EPS8: variants seen among roughly 807,000 people sequenced by gnomAD.
EPS8 encodes the protein epidermal growth factor receptor kinase substrate 8.
In EPS8, 42 loss-of-function variants were observed where a neutral mutation model predicts 103.8. The observed-to-expected ratio is 0.40, with a 90% CI of 0.32 to 0.52. The LOEUF is 0.52. Among genes scored for constraint, EPS8 ranks in the 20% least tolerant of loss-of-function variants. The pLI is 0.40. For missense variants in EPS8, 969 were observed against 1,005.1 expected (o/e 0.96, Z 0.49); for synonymous variants, 344 against 344.6 (o/e 1.00, Z 0.02).
rs911266527 is a variant in EPS8 at position 15,690,193 on chromosome 12, T to C, written c.-21-7221A>G. 3.9e-5 allele frequency among the ~76,000 whole-genome samples: 6 copies of C among 152,164 alleles called. No homozygotes were observed. The highest frequency in any genetic ancestry group is 1.4e-4 in the African/African-American group (6 of 41,438). ...AAGAGGATCAATCTTTTCTAAAGTG[T>C]ACAATATATCTTTATAAATGCTTAC... On this transcript the variant is annotated intron_variant, in intron 1 of 20. Coordinates refer to ENST00000281172, the MANE Select transcript of EPS8 (RefSeq NM_004447.6). The surrounding 1 kb of genome is among the most constrained non-coding windows in gnomAD (Gnocchi z 4.7).
At position 15,697,646 on chromosome 12, in the gene EPS8, C is replaced by T. The variant is rs1216706284; in HGVS notation, c.-21-14674G>A. ...GAAAATAATGGCTAGAGTTTTTTAC[C>T]CAAAAATCACATGCTCACATGACCT... On this transcript the variant is annotated intron_variant, in intron 1 of 20. Coordinates refer to ENST00000281172, the MANE Select transcript of EPS8 (RefSeq NM_004447.6). The surrounding 1 kb of genome is among the most constrained non-coding windows in gnomAD (Gnocchi z 5.6). Among the ~76,000 whole-genome samples the T allele has an allele frequency of 6.6e-6, 1 of 151,972 alleles. No homozygotes were observed. The highest frequency in any genetic ancestry group is 1.5e-5 in the Non-Finnish European group (1 of 67,992).
At chr12:15,786,956 A>G (rs1317310900) in intron 1 of EPS8, among the ~76,000 whole-genome samples, 1 of 152,118 alleles carries the variant, frequency 6.6e-6, no homozygotes, top group East Asian at 1.9e-4. Flanking sequence ...GTACCTTATC[A>G]TTAACTTATG....
Position 15,714,703 on chromosome 12 carries a change from G to A in EPS8, c.-21-31731C>T, listed in dbSNP as rs186766498. Among the ~76,000 whole-genome samples the A allele has an allele frequency of 6.6e-4, 100 of 152,190 alleles. No homozygotes were observed. Among genetic ancestry groups the A allele is most frequent in the African/African-American group, 2.3e-3 (97 of 41,486 alleles). ...CTTGTTGCCAGTGCAGTATTCTTGG[G>A]GCAAATGGGAAATGGGTAAAAAACA... On this transcript the variant is annotated intron_variant, in intron 1 of 20. Transcript: ENST00000281172. The surrounding 1 kb of genome is among the most constrained non-coding windows in gnomAD (Gnocchi z 4.1).
At position 15,779,589 on chromosome 12, in the gene EPS8, TATA is replaced by T; in HGVS notation, c.-22+9569_-22+9571del. Among the ~76,000 whole-genome samples, 1 of 152,242 alleles carries T rather than the reference TATA, an allele frequency of 6.6e-6. No individual in the cohort carries two copies. Among genetic ancestry groups the T allele is most frequent in the Non-Finnish European group, 1.5e-5 (1 of 68,042 alleles). ...TATCTCAATAATATACATGTATTTC[TATA>T]ATAAGGAATAACTTAGTAATATTCT... On this transcript the variant is annotated intron_variant, in intron 1 of 20. Coordinates refer to ENST00000281172, the MANE Select transcript of EPS8 (RefSeq NM_004447.6). This position sits in a 1 kb window ranked among gnomAD's most constrained non-coding sequence, Gnocchi z 4.3.
At chr12:15,782,714 T>G (rs149905900) in intron 1 of EPS8, among the ~76,000 whole-genome samples, 2 of 152,176 alleles carry the variant, frequency 1.3e-5, no homozygotes, top group African/African-American at 4.8e-5. Context: ...CATAGTATCA[T>G]TCGCGGTCAA....
chr12:15,739,866 A>C (rs1195898999), intron 1 of EPS8, among the ~76,000 whole-genome samples: 1 of 152,108 alleles, frequency 6.6e-6, no homozygotes, highest in East Asian at 1.9e-4. Flanking sequence ...CTAGTAAACA[A>C]AGCTTTTCAA....
At chr12:15,651,057 A>G (rs1469667274) in intron 13 of EPS8, 51 bp from the exon 14 acceptor site, 2 of 1,494,208 alleles carry the variant, frequency 1.3e-6, no homozygotes, top group Non-Finnish European at 1.8e-6. Context: ...GAATGTATCC[A>G]TGCTCACAGT....
At chr12:15,622,508 T>C (rs1015180248) in intron 20 of EPS8, among the ~76,000 whole-genome samples, 1 of 152,176 alleles carries the variant, frequency 6.6e-6, no homozygotes, top group Non-Finnish European at 1.5e-5. Context: ...TTCATGAAAC[T>C]ATTAAGAGCT....
At position 15,654,309 on chromosome 12, in the gene EPS8, AT is replaced by A. The variant is rs748847045; in HGVS notation, c.1102-17del. On this transcript the variant is annotated splice_polypyrimidine_tract_variant and intron_variant, in intron 12 of 20. Transcript: ENST00000281172. ...CCTGCACCACCTAAGATAATAAACC[AT>A]TTTTTAGCAAGAAGATTACTATTCT... 5.6e-6 allele frequency: 9 copies of A among 1,609,114 alleles called. No individual in the cohort carries two copies. The Middle Eastern group carries it at 8.3e-4, about 148-fold the overall frequency.
At chr12:15,686,744 C>G (rs921977754) in intron 1 of EPS8, among the ~76,000 whole-genome samples, 5 of 152,100 alleles carry the variant, frequency 3.3e-5, no homozygotes, top group African/African-American at 1.2e-4. Flanking sequence ...TTTACTCTTG[C>G]TTGCATCTCA....
chr12:15,675,573 T>C (rs535829057), intron 3 of EPS8, among the ~76,000 whole-genome samples: 1 of 152,340 alleles, frequency 6.6e-6, no homozygotes, highest in Non-Finnish European at 1.5e-5. Context: ...CACTCCAGCC[T>C]GGGCAACAGA....
intron 8 of EPS8, among the ~76,000 whole-genome samples, chr12:15,663,001 A>G (rs1331458551): frequency 7.7e-4 from 2 of 2,610 alleles, no homozygotes; most frequent in East Asian, 0.03. Flanking sequence ...CTTGCCAACA[A>G]AAAAAAAAAA....
intron 14 of EPS8, 116 bp from the exon 15 acceptor site, chr12:15,647,376 T>A: frequency 1.1e-6 from 1 of 870,888 alleles, no homozygotes. Flanking sequence ...TTCAAGTGAC[T>A]GACCATTATG....
At chr12:15,743,784 G>A (rs942186807) in intron 1 of EPS8, among the ~76,000 whole-genome samples, 2 of 152,118 alleles carry the variant, frequency 1.3e-5, no homozygotes. Flanking sequence ...AGACTTACAT[G>A]TTAGACCTAA....
intron 13 of EPS8, among the ~76,000 whole-genome samples, chr12:15,651,660 G>C (rs186936553): frequency 2.6e-5 from 4 of 152,222 alleles, no homozygotes; most frequent in Admixed American, 2.6e-4. Flanking sequence ...AATCATTCAT[G>C]AACCACAAAA....
At chr12:15,629,034 A>G (rs1242996853) in intron 18 of EPS8, among the ~76,000 whole-genome samples, 4 of 152,214 alleles carry the variant, frequency 2.6e-5, no homozygotes, top group African/African-American at 7.2e-5. Flanking sequence ...TTTAAAAAGG[A>G]ACTTACATAA....
At chr12:15,668,688 G>A (rs1332821606) in intron 6 of EPS8, among the ~76,000 whole-genome samples, 2 of 152,134 alleles carry the variant, frequency 1.3e-5, no homozygotes, top group East Asian at 3.8e-4. Flanking sequence ...TAATTAAATG[G>A]TGAACTTTAA....
intron 12 of EPS8, among the ~76,000 whole-genome samples, chr12:15,655,322 T>C (rs1324780541): frequency 6.6e-6 from 1 of 152,190 alleles, no homozygotes; most frequent in Non-Finnish European, 1.5e-5. Context: ...ATTACACTAT[T>C]ACACTGTAAT....
rs1048973238 is a variant in EPS8, at chr12:15,771,363, C to T, written c.-22+17798G>A. On this transcript the variant is annotated intron_variant, in intron 1 of 20. Coordinates refer to ENST00000281172, the MANE Select transcript of EPS8 (RefSeq NM_004447.6). The surrounding 1 kb of genome is among the most constrained non-coding windows in gnomAD (Gnocchi z 4.6). The stretch of plus-strand genomic sequence containing the variant: ...GTTGTGAAAAGCCTGAAAAGGAAAC[C>T]TTTGTTAGCAGTTTTTAAAGCAATG... Among the ~76,000 whole-genome samples, 1 of 152,094 alleles carries T rather than the reference C, an allele frequency of 6.6e-6. No individual in the cohort carries two copies. Among genetic ancestry groups the T allele is most frequent in the Non-Finnish European group, 1.5e-5 (1 of 68,020 alleles).
Sources: gnomAD v4.1 joint callset for allele counts (sites outside exome capture counted in the v4.1 genomes callset) on GRCh38, gnomAD v4.1.1 for gene constraint, Gnocchi (gnomAD v3.1) non-coding constraint, MANE v1.5 for transcripts, NCBI Gene and HGNC (gene_info 2026-07-23, HGNC 2026-07-21) for gene names.